Variants in RBMS3 observed in about 807,000 individuals in gnomAD.
RBMS3 encodes the protein RNA-binding motif, single-stranded-interacting protein 3.
A neutral mutation model predicts 66.8 loss-of-function variants in RBMS3; 27 were observed. The observed-to-expected ratio is 0.40, with a 90% CI of 0.30 to 0.56. The LOEUF (loss-of-function observed/expected upper bound fraction) is 0.56, where lower values mean the gene tolerates loss of function less well. Ranked by LOEUF, RBMS3 falls within the 20% of genes least tolerant of loss-of-function variation. The pLI is 0.40. For missense variants in RBMS3, 513 were observed against 549.5 expected (o/e 0.93, Z 0.66); for synonymous variants, 188 against 183.0 (o/e 1.03, Z -0.22).
intron 4 of RBMS3, among the ~76,000 whole-genome samples, chr3:29,692,405 CCCTGTTT>C (rs1271285649): frequency 6.6e-6 from 1 of 151,952 alleles, no homozygotes; most frequent in East Asian, 1.9e-4. Flanking sequence ...TTGTTTTGAG[CCCTGTTT>C]ATAATGAAGT....
At chr3:29,356,662 TTAG>T (rs1418851871) in intron 1 of RBMS3, among the ~76,000 whole-genome samples, 1 of 152,160 alleles carries the variant, frequency 6.6e-6, no homozygotes, top group Non-Finnish European at 1.5e-5. Flanking sequence ...CTTTAAAAAG[TTAG>T]TAGTGTTTAC....
At chr3:29,982,857 G>A (rs1178606878) in intron 12 of RBMS3, among the ~76,000 whole-genome samples, 1 of 152,200 alleles carries the variant, frequency 6.6e-6, no homozygotes. Flanking sequence ...TAAGTGAGAT[G>A]TGGTGCTGAG....
intron 2 of RBMS3, 26 bp from the exon 3 acceptor site, chr3:29,488,415 G>A (rs751991619): frequency 4.0e-6 from 6 of 1,518,408 alleles, no homozygotes; most frequent in Admixed American, 3.7e-5. Context: ...CAATAACATG[G>A]GTTTTTTTCT....
intron 5 of RBMS3, among the ~76,000 whole-genome samples, chr3:29,761,915 G>A (rs571795063): frequency 4.6e-5 from 7 of 152,052 alleles, no homozygotes; most frequent in African/African-American, 1.4e-4. Flanking sequence ...TTTGCCTCTA[G>A]TATACTCTTT....
intron 1 of RBMS3, among the ~76,000 whole-genome samples, chr3:29,368,982 TA>T (rs1236748173): frequency 1.3e-5 from 2 of 151,920 alleles, no homozygotes; most frequent in Non-Finnish European, 2.9e-5. Context: ...TGTGCAGGCA[TA>T]AAAAAAGAAC....
chr3:29,639,816 A>G (rs1448677235), intron 4 of RBMS3, among the ~76,000 whole-genome samples: 1 of 151,914 alleles, frequency 6.6e-6, no homozygotes, highest in Non-Finnish European at 1.5e-5. Context: ...TTTTCTTGGA[A>G]GAAGGCCAGA....
Position 29,488,437 on chromosome 3 carries a change from TC to T in RBMS3, c.249-3del. The T allele has an allele frequency of 1.2e-6, 2 of 1,602,128 alleles. No individual in the cohort carries two copies. The highest frequency in any genetic ancestry group is 1.7e-6 in the Non-Finnish European group (2 of 1,170,010). ...ATGGGTTTTTTTCTCTCTCTCTCTTTCAGGTATGGAAAAATTGTATCTACAA... is the reference window on the plus strand; with the variant it reads ...ATGGGTTTTTTTCTCTCTCTCTCTTTAGGTATGGAAAAATTGTATCTACAA... On this transcript the variant is annotated splice_region_variant and splice_polypyrimidine_tract_variant and intron_variant, in intron 2 of 14. Transcript: ENST00000383767.
At chr3:29,450,307 A>G (rs1037303402) in intron 2 of RBMS3, among the ~76,000 whole-genome samples, 2 of 152,176 alleles carry the variant, frequency 1.3e-5, no homozygotes, top group Non-Finnish European at 2.9e-5. Context: ...GTCAGCCACC[A>G]AAGGGCTCCA....
intron 1 of RBMS3, among the ~76,000 whole-genome samples, chr3:29,426,052 C>G (rs2040947381): frequency 6.6e-6 from 1 of 152,164 alleles, no homozygotes; most frequent in African/African-American, 2.4e-5. Context: ...CATCATGGCT[C>G]ATTATTCCAC....
chr3:29,622,341 C>T (rs1415343630), intron 4 of RBMS3, among the ~76,000 whole-genome samples: 2 of 152,072 alleles, frequency 1.3e-5, no homozygotes, highest in East Asian at 3.9e-4. Flanking sequence ...TGTGATATTC[C>T]TGGAAGATCT....
intron 4 of RBMS3, among the ~76,000 whole-genome samples, chr3:29,690,271 G>A (rs942126081): frequency 1.7e-4 from 25 of 151,396 alleles, no homozygotes; most frequent in African/African-American, 5.8e-4. Context: ...GCAACATGGT[G>A]AGATCTTGTG....
chr3:29,318,006 C>G (rs1305464355), intron 1 of RBMS3, among the ~76,000 whole-genome samples: 1 of 151,644 alleles, frequency 6.6e-6, no homozygotes, highest in African/African-American at 2.4e-5. Context: ...TTTTCCTGTT[C>G]TGATTTGTAG....
chr3:29,687,959 A>G (rs2051805068), intron 4 of RBMS3, among the ~76,000 whole-genome samples: 1 of 152,202 alleles, frequency 6.6e-6, no homozygotes, highest in African/African-American at 2.4e-5. Context: ...ATGTCTTGCC[A>G]CAAAGGACAC....
Position 29,726,305 on chromosome 3 carries a change from AG to A in RBMS3, c.400-13413del, listed in dbSNP as rs367949037. Among the ~76,000 whole-genome samples, 6 of 152,270 alleles carry A rather than the reference AG, an allele frequency of 3.9e-5. No individual in the cohort carries two copies. The East Asian group carries it at 1.2e-3, about 29-fold the overall frequency. On this transcript the variant is annotated intron_variant, in intron 4 of 14. Coordinates refer to ENST00000383767, the MANE Select transcript of RBMS3 (RefSeq NM_001003793.3). ...TCCCTTTGAAAACTGGCAGAAGACA[AG>A]GATGCCCTCTCTCACCACTCCTATT...
At chr3:29,422,250 C>G (rs990983536) in intron 1 of RBMS3, among the ~76,000 whole-genome samples, 16 of 152,052 alleles carry the variant, frequency 1.1e-4, no homozygotes, top group East Asian at 3.9e-4. Context: ...GAAGAGTATA[C>G]CAATCAAGGG....
At chr3:29,523,854 C>G (rs544614927) in intron 3 of RBMS3, among the ~76,000 whole-genome samples, 100 of 152,242 alleles carry the variant, frequency 6.6e-4, no homozygotes, top group African/African-American at 2.4e-3. Flanking sequence ...CCCACCTCAG[C>G]CTCCTGAGTA....
intron 1 of RBMS3, among the ~76,000 whole-genome samples, chr3:29,329,792 A>C (rs191582616): frequency 1.3e-5 from 2 of 149,220 alleles, no homozygotes; most frequent in Middle Eastern, 3.5e-3. Context: ...ATCATGTGAA[A>C]AATTTTTATA....
intron 5 of RBMS3, among the ~76,000 whole-genome samples, chr3:29,754,233 G>A (rs2055312065): frequency 1.3e-5 from 2 of 152,298 alleles, no homozygotes; most frequent in South Asian, 4.1e-4. Flanking sequence ...GATCACAGGC[G>A]TGAGCCACCG....
intron 4 of RBMS3, among the ~76,000 whole-genome samples, chr3:29,729,981 AT>A (rs201122277): frequency 0.028 from 4,227 of 152,062 alleles, 82 homozygotes; most frequent in Admixed American, 0.062. Context: ...AAAGCATAGT[AT>A]TTTTTCATAT....
Sources: gnomAD v4.1 joint callset for allele counts (sites outside exome capture counted in the v4.1 genomes callset) on GRCh38, gnomAD v4.1.1 for gene constraint, MANE v1.5 for transcripts, NCBI Gene and HGNC (gene_info 2026-07-23, HGNC 2026-07-21) for gene names.